The following PCDHGA3 variants were observed in gnomAD, a reference collection of about 807,000 sequenced individuals.
PCDHGA3 encodes the protein protocadherin gamma-A3.
In PCDHGA3, 40 loss-of-function variants were observed where a neutral mutation model predicts 58.5. The ratio of observed to expected loss-of-function variants is 0.68; its 90% CI spans 0.53 to 0.89. The LOEUF (loss-of-function observed/expected upper bound fraction) is 0.89, where lower values mean the gene tolerates loss of function less well. Among genes scored for constraint, PCDHGA3 ranks in the 40% least tolerant of loss-of-function variants. The pLI is 0.00. For synonymous variants in PCDHGA3, 530 were observed against 525.7 expected (o/e 1.01, Z -0.11); for missense variants, 1,223 against 1,195.9 (o/e 1.02, Z -0.33).
At position 141,511,227 on chromosome 5, in the gene PCDHGA3, TCTC is replaced by T. The variant is rs2099883680; in HGVS notation, c.*57_*59del. 2 of 1,599,470 alleles carry T rather than the reference TCTC, an allele frequency of 1.3e-6. No homozygotes were observed. Among genetic ancestry groups the T allele is most frequent in the Non-Finnish European group, 1.7e-6 (2 of 1,173,054 alleles). ...CGGCCTCTCCCCAACCAGCCCAGCTTCTCCTTACCTGCACCCAGGCCTCAGAGT... is the reference window on the plus strand; with the variant it reads ...CGGCCTCTCCCCAACCAGCCCAGCTTCTTACCTGCACCCAGGCCTCAGAGT... On this transcript the variant is annotated 3_prime_UTR_variant, in exon 4 of 4. Transcript: ENST00000253812.
At position 141,344,217 on chromosome 5, in the gene PCDHGA3, C is replaced by A; in HGVS notation, c.184C>A (p.Arg62Ser). The change falls in exon 1 of 4, where the codon CGC becomes AGC. Residue 62 changes from arginine to serine, a missense_variant. By Grantham distance (110) the Arg-to-Ser change is moderately radical (BLOSUM62 -1). This residue lies in a region of PCDHGA3 where 791 missense variants were observed against 708.5 expected (regional missense o/e 1.12). Coordinates refer to ENST00000253812, the MANE Select transcript of PCDHGA3 (RefSeq NM_018916.4). ...LGLEPRELAE[R>S]GVRIVSRGRT... ...GCTAGAGCCCCGGGAGCTGGCGGAG[C>A]GCGGAGTCCGCATCGTCTCCAGAGG... The A allele has an allele frequency of 6.2e-7, 1 of 1,613,990 alleles. No individual in the cohort carries two copies. Among genetic ancestry groups the A allele is most frequent in the Non-Finnish European group, 8.5e-7 (1 of 1,179,912 alleles).
rs748972821 is a variant in PCDHGA3 at position 141,476,094 on chromosome 5, GAGAGGAACT to G, written c.2425-18712_2425-18704del. ...TCTCAGGGACGATCTGGACCCCGCT[GAGAGGAACT>G]GCTTTTGAGTGAGATGGTCCCAGAG... is the stretch of plus-strand genomic sequence containing the variant. On this transcript the variant is annotated intron_variant, in intron 1 of 3. Coordinates refer to ENST00000253812, the MANE Select transcript of PCDHGA3 (RefSeq NM_018916.4). This position sits in a 1 kb window ranked among gnomAD's most constrained non-coding sequence, Gnocchi z 7.6. 6.4e-7 allele frequency: 1 copy of G among 1,568,172 alleles called. No individual in the cohort carries two copies. The highest frequency in any genetic ancestry group is 1.2e-5 in the South Asian group (1 of 85,292).
intron 1 of PCDHGA3, chr5:141,427,927 T>C (rs1238523389): frequency 6.3e-7 from 1 of 1,580,112 alleles, no homozygotes; most frequent in Non-Finnish European, 8.7e-7. Context: ...AGCCGGCGCA[T>C]GTTGGTGGGC....
intron 1 of PCDHGA3, chr5:141,388,664 G>A: frequency 1.2e-6 from 2 of 1,613,908 alleles, no homozygotes; most frequent in South Asian, 2.2e-5. Context: ...CGGGGACCAC[G>A]GTGCTACAGG....
At chr5:141,394,748 C>T (rs960054108) in intron 1 of PCDHGA3, 1 of 1,613,414 alleles carries the variant, frequency 6.2e-7, no homozygotes, top group Non-Finnish European at 8.5e-7. Context: ...TCGTGGTGGC[C>T]GTCCAGGACC....
chr5:141,459,947 A>T (rs2098978538), intron 1 of PCDHGA3, among the ~76,000 whole-genome samples: 1 of 152,200 alleles, frequency 6.6e-6, no homozygotes, highest in African/African-American at 2.4e-5. Context: ...GCGTGATGGC[A>T]GGTGCCTGTA....
At chr5:141,371,840 A>G (rs1768098809) in intron 1 of PCDHGA3, 6 of 1,613,642 alleles carry the variant, frequency 3.7e-6, no homozygotes, top group Non-Finnish European at 5.1e-6. Flanking sequence ...CCGACTTGGG[A>G]CCTAATGGCC....
chr5:141,412,554 C>T (rs2095562022), intron 1 of PCDHGA3: 1 of 152,094 alleles, frequency 6.6e-6, no homozygotes, highest in Non-Finnish European at 1.5e-5. Context: ...TGAATTATCT[C>T]ATGAGTTTAT....
intron 1 of PCDHGA3, among the ~76,000 whole-genome samples, chr5:141,460,995 A>G (rs566978077): frequency 1.1e-4 from 17 of 150,188 alleles, no homozygotes; most frequent in South Asian, 2.1e-4. Flanking sequence ...ATATATATAT[A>G]TGTGTATATA....
chr5:141,362,722 T>C, intron 1 of PCDHGA3: 3 of 871,460 alleles, frequency 3.4e-6, no homozygotes, highest in Non-Finnish European at 5.1e-6. Context: ...CTCTCTGAAG[T>C]GTGAGATTTA....
chr5:141,407,989 T>G, intron 1 of PCDHGA3: 1 of 833,618 alleles, frequency 1.2e-6, no homozygotes, highest in Non-Finnish European at 1.8e-6. Flanking sequence ...TCCGTCAGCC[T>G]CTGGCCTGGG....
chr5:141,375,011 G>C, intron 1 of PCDHGA3: 2 of 1,614,028 alleles, frequency 1.2e-6, no homozygotes, highest in Non-Finnish European at 1.7e-6. Context: ...TCTAGACTAT[G>C]AGGACTCGAG....
At position 141,485,100 on chromosome 5, in the gene PCDHGA3, C is replaced by G. The variant is rs900224386; in HGVS notation, c.2425-9707C>G. 1.0e-5 allele frequency: 12 copies of G among 1,148,882 alleles called. No homozygotes were observed. Among genetic ancestry groups the G allele is most frequent in the Non-Finnish European group, 1.4e-5 (11 of 778,894 alleles). 71.2% of individuals were successfully genotyped at this position (1,148,882 alleles called of 1,614,324 possible). On this transcript the variant is annotated intron_variant, in intron 1 of 3. Coordinates refer to ENST00000253812, the MANE Select transcript of PCDHGA3 (RefSeq NM_018916.4). This position sits in a 1 kb window ranked among gnomAD's most constrained non-coding sequence, Gnocchi z 5.7. ...GGGAAAGGGAGATAGGTGTCTCCAG[C>G]TGCTGTGGCTGTTTGGGGCGGGTCG...
intron 1 of PCDHGA3, among the ~76,000 whole-genome samples, chr5:141,457,387 T>A (rs530736201): frequency 2.0e-5 from 3 of 152,340 alleles, no homozygotes; most frequent in Non-Finnish European, 2.9e-5. Context: ...AGAACTAGCA[T>A]ATTGATTCAC....
chr5:141,402,100 A>G (rs1589449876), intron 1 of PCDHGA3, among the ~76,000 whole-genome samples: 1 of 152,220 alleles, frequency 6.6e-6, no homozygotes, highest in South Asian at 2.1e-4. Flanking sequence ...AGTTTAAGCA[A>G]TTACAAAAAT....
chr5:141,394,748 C>G (rs960054108), intron 1 of PCDHGA3: 7 of 1,613,296 alleles, frequency 4.3e-6, no homozygotes, highest in Non-Finnish European at 5.9e-6. Flanking sequence ...TCGTGGTGGC[C>G]GTCCAGGACC....
At chr5:141,356,667 C>T (rs886604200) in intron 1 of PCDHGA3, 1 of 1,613,920 alleles carries the variant, frequency 6.2e-7, no homozygotes, top group Admixed American at 1.7e-5. Flanking sequence ...GAATCACTTA[C>T]TCCCTGGCCG....
In PCDHGA3 at chr5:141,443,822, A is replaced by G. The variant is rs183934410; in HGVS notation, c.2425-50985A>G. ...GAAACAGTTACCTTTGGAAAACATAATTAGGTAAAATGGGTAATATGGAAA... is the reference window on the plus strand; with the variant it reads ...GAAACAGTTACCTTTGGAAAACATAGTTAGGTAAAATGGGTAATATGGAAA... On this transcript the variant is annotated intron_variant, in intron 1 of 3. Coordinates refer to ENST00000253812, the MANE Select transcript of PCDHGA3 (RefSeq NM_018916.4). Among the ~76,000 whole-genome samples, 330 of 152,316 alleles carry G rather than the reference A, an allele frequency of 2.2e-3. 2 individuals carry two copies. Among genetic ancestry groups the G allele is most frequent in the Non-Finnish European group, 4.1e-3 (279 of 68,018 alleles).
chr5:141,356,828 G>A, intron 1 of PCDHGA3: 1 of 1,614,146 alleles, frequency 6.2e-7, no homozygotes, highest in South Asian at 1.1e-5. Context: ...CCTCCACTCA[G>A]CAGCAATGTG....
Sources: gnomAD v4.1 joint callset for allele counts (sites outside exome capture counted in the v4.1 genomes callset) on GRCh38, gnomAD v4.1.1 for gene constraint, gnomAD v4.1.1 regional missense constraint, Gnocchi (gnomAD v3.1) non-coding constraint, MANE v1.5 for transcripts, NCBI Gene and HGNC (gene_info 2026-07-23, HGNC 2026-07-21) for gene names.